The following PCDH15 variants were observed in gnomAD, a reference collection of about 807,000 sequenced individuals.
The protein encoded by PCDH15 is protocadherin-15.
A neutral mutation model predicts 178.5 loss-of-function variants in PCDH15; 129 were observed. The observed-to-expected ratio is 0.72, with a 90% CI of 0.63 to 0.84. The LOEUF (loss-of-function observed/expected upper bound fraction) is 0.84. Among genes scored for constraint, PCDH15 ranks in the 40% least tolerant of loss-of-function variants. The pLI is 0.00. For missense variants in PCDH15, 2,230 were observed against 2,099.9 expected (o/e 1.06, Z -1.21); for synonymous variants, 800 against 732.0 (o/e 1.09, Z -1.50).
intron 3 of PCDH15, among the ~76,000 whole-genome samples, chr10:54,875,668 G>A (rs538112477): frequency 5.3e-4 from 80 of 152,262 alleles, no homozygotes; most frequent in African/African-American, 1.9e-3. Context: ...CAAACCAGGT[G>A]CAACATTCCT....
At chr10:54,505,612 CAG>C (rs1451587297) in intron 3 of PCDH15, among the ~76,000 whole-genome samples, 1 of 151,668 alleles carries the variant, frequency 6.6e-6, no homozygotes, top group Non-Finnish European at 1.5e-5. Context: ...CACATGGAAA[CAG>C]GGAGGGGAAC....
intron 3 of PCDH15, among the ~76,000 whole-genome samples, chr10:54,437,530 C>T (rs1277064668): frequency 6.6e-6 from 1 of 152,142 alleles, no homozygotes; most frequent in African/African-American, 2.4e-5. Flanking sequence ...ACAGAGCTTA[C>T]ATATGTATAA....
chr10:54,443,926 G>A (rs998423343), intron 3 of PCDH15, among the ~76,000 whole-genome samples: 1 of 151,524 alleles, frequency 6.6e-6, no homozygotes, highest in African/African-American at 2.4e-5. Flanking sequence ...CTAAATCCAA[G>A]TGCTCTTATC....
rs765384642 is a variant in PCDH15 at position 53,961,836 on chromosome 10, AG to A, written c.2924del (p.Pro975LeufsTer14). ...CTTCTTCCACTTCAAAAATACTGGC[AG>A]GGTAAGGAAACTGTACATCATCTAC... The part of the protein sequence containing the change: ...YRVDDVQFPY[P>X]ASIFEVEEDS... On this transcript the variant is annotated frameshift_variant, in exon 22 of 38. Transcript: ENST00000644397. LOFTEE classifies it high-confidence loss of function. 6.2e-7 allele frequency: 1 copy of A among 1,610,978 alleles called. No individual in the cohort carries two copies. Among genetic ancestry groups the A allele is most frequent in the South Asian group, 1.1e-5 (1 of 90,878 alleles).
intron 2 of PCDH15, among the ~76,000 whole-genome samples, chr10:54,919,373 T>C (rs1039948106): frequency 6.6e-6 from 1 of 152,192 alleles, no homozygotes; most frequent in African/African-American, 2.4e-5. Flanking sequence ...AGGGATAATG[T>C]TTGCTCAATC....
chr10:54,842,513 T>G (rs1160193346), intron 3 of PCDH15, among the ~76,000 whole-genome samples: 1 of 151,950 alleles, frequency 6.6e-6, no homozygotes, highest in Non-Finnish European at 1.5e-5. Context: ...CATCTAAGGT[T>G]CTAATTTTAA....
chr10:54,674,446 A>T (rs1405124391), intron 1 of PCDH15, among the ~76,000 whole-genome samples: 1 of 152,162 alleles, frequency 6.6e-6, no homozygotes, highest in Non-Finnish European at 1.5e-5. Context: ...GTTTGCAGAA[A>T]TATCATCTCA....
At chr10:54,296,745 A>T (rs1366442488) in intron 8 of PCDH15, among the ~76,000 whole-genome samples, 1 of 152,086 alleles carries the variant, frequency 6.6e-6, no homozygotes, top group Admixed American at 6.6e-5. Context: ...TGAAGCTAGG[A>T]TATGGGGAGC....
intron 1 of PCDH15, among the ~76,000 whole-genome samples, chr10:54,755,313 G>A (rs541098976): frequency 2.6e-5 from 4 of 152,142 alleles, no homozygotes; most frequent in East Asian, 1.9e-4. Context: ...AGTATAGTAC[G>A]GGAAATAATT....
At chr10:55,325,743 G>A (rs1316540558) in intron 2 of PCDH15, among the ~76,000 whole-genome samples, 6 of 151,992 alleles carry the variant, frequency 3.9e-5, no homozygotes, top group Non-Finnish European at 8.8e-5. Context: ...CTTCAGTGCA[G>A]CAAAACAAAA....
At chr10:54,630,376 G>A (rs940057763) in intron 2 of PCDH15, among the ~76,000 whole-genome samples, 1 of 152,138 alleles carries the variant, frequency 6.6e-6, no homozygotes, top group African/African-American at 2.4e-5. Flanking sequence ...ACAACCATTT[G>A]ATCTTCAACA....
intron 1 of PCDH15, among the ~76,000 whole-genome samples, chr10:54,696,075 G>T (rs751718046): frequency 2.6e-5 from 4 of 151,936 alleles, no homozygotes; most frequent in Non-Finnish European, 5.9e-5. Flanking sequence ...ACTATAGCTG[G>T]CATAGGTAGC....
intron 1 of PCDH15, among the ~76,000 whole-genome samples, chr10:54,756,692 T>G (rs932329974): frequency 7.0e-6 from 1 of 142,562 alleles, no homozygotes; most frequent in Non-Finnish European, 1.5e-5. Flanking sequence ...GTATGTGTCT[T>G]TCTGTCTGTC....
intron 2 of PCDH15, among the ~76,000 whole-genome samples, chr10:54,537,546 A>G (rs2084717779): frequency 6.6e-6 from 1 of 152,220 alleles, no homozygotes; most frequent in Non-Finnish European, 1.5e-5. Context: ...CAAGGCAAAT[A>G]AAGCTGCACA....
In PCDH15 at chr10:53,849,855, C is replaced by T. The variant is rs1388838436; in HGVS notation, c.3806+7320G>A. 9.4e-5 allele frequency among the ~76,000 whole-genome samples: 9 copies of T among 95,932 alleles called. No homozygotes were observed. In the East Asian group the frequency reaches 2.9e-3, roughly 31 times the overall value. The allele number at this position is 95,932 out of a possible 152,430, so 62.9% of individuals were successfully genotyped here. On this transcript the variant is annotated intron_variant, in intron 28 of 37. Coordinates refer to ENST00000644397, the MANE Select transcript of PCDH15 (RefSeq NM_001384140.1). ...CAGCCTGTGCGACAGAGGAAGGCTC[C>T]GTCTCAAAAAAAAAAAAAAAAAAAA...
chr10:54,716,444 G>A lies in PCDH15; in HGVS notation c.-28-52154C>T, dbSNP rs549145805. 1.6e-3 allele frequency among the ~76,000 whole-genome samples: 251 copies of A among 152,186 alleles called. 1 individual carries two copies. In the Middle Eastern group the frequency reaches 0.017, roughly 10 times the overall value. Reference sequence around the variant, plus strand: ...ATCCTCTTTAATTTCATTGAGCAGTGGTTTGTAGTTCTCCTTGAAGAGGTC... The same window carrying A: ...ATCCTCTTTAATTTCATTGAGCAGTAGTTTGTAGTTCTCCTTGAAGAGGTC... On this transcript the variant is annotated intron_variant, in intron 1 of 37. Coordinates refer to ENST00000644397, the MANE Select transcript of PCDH15 (RefSeq NM_001384140.1).
intron 1 of PCDH15, among the ~76,000 whole-genome samples, chr10:55,311,287 C>G (rs989494891): frequency 6.6e-6 from 1 of 152,152 alleles, no homozygotes; most frequent in Admixed American, 6.5e-5. Context: ...TCATAAGGAT[C>G]AGAGAGTGTC....
intron 25 of PCDH15, among the ~76,000 whole-genome samples, chr10:53,931,113 G>A (rs543563682): frequency 6.6e-6 from 1 of 152,142 alleles, no homozygotes; most frequent in African/African-American, 2.4e-5. Context: ...ATTTCTAACT[G>A]AATTGAAGAG....
intron 1 of PCDH15, among the ~76,000 whole-genome samples, chr10:54,782,376 A>C (rs978831257): frequency 5.3e-4 from 80 of 152,132 alleles, no homozygotes; most frequent in Admixed American, 5.9e-4. Flanking sequence ...TGCCTATGTA[A>C]GTGTTGTGAA....
Sources: allele counts gnomAD v4.1 joint callset (sites outside exome capture counted in the v4.1 genomes callset), GRCh38; gene constraint gnomAD v4.1.1; transcripts MANE v1.5; gene names NCBI Gene and HGNC (gene_info 2026-07-23, HGNC 2026-07-21).